Variants in RFC3 observed in about 807,000 individuals in gnomAD.
RFC3 encodes replication factor C subunit 3, also known as A1 38 kDa subunit.
A neutral mutation model predicts 45.1 loss-of-function variants in RFC3; 41 were observed. The ratio of observed to expected loss-of-function variants is 0.91; its 90% confidence interval spans 0.71 to 1.18. The LOEUF (loss-of-function observed/expected upper bound fraction) is 1.18. RFC3 is among the 50% of genes most tolerant of loss of function. RFC3 has a pLI of 0.00. For synonymous variants in RFC3, 149 were observed against 144.0 expected (o/e 1.03, Z -0.25); for missense variants, 423 against 428.1 (o/e 0.99, Z 0.10).
intron 8 of RFC3, among the ~76,000 whole-genome samples, chr13:33,915,271 C>G (rs1251362553): frequency 6.6e-6 from 1 of 152,122 alleles, no homozygotes; most frequent in Non-Finnish European, 1.5e-5. Context: ...ATGCTGCCAA[C>G]AGAGAATTCA....
chr13:33,976,889 G>A, the RFC3 span, among the ~76,000 whole-genome samples: 1 of 152,096 alleles, frequency 6.6e-6, no homozygotes, highest in Non-Finnish European at 1.5e-5. Context: ...GAAAAAACTT[G>A]TAACTTAATA....
chr13:33,920,420 C>CTTTTTTTTTT (rs777079510), intron 8 of RFC3, among the ~76,000 whole-genome samples: 1 of 83,168 alleles, frequency 1.2e-5, no homozygotes, highest in Non-Finnish European at 2.3e-5. Flanking sequence ...TACAACCACA[C>CTTTTTTTTTT]TTTTTTTTTT....
chr13:33,857,113 A>G (rs928492995), intron 8 of RFC3, among the ~76,000 whole-genome samples: 2 of 152,216 alleles, frequency 1.3e-5, no homozygotes, highest in African/African-American at 4.8e-5. Context: ...TTGTAAAGCA[A>G]TCTAATCTTT....
At chr13:33,848,140 T>C (rs1379719939) in intron 8 of RFC3, 1 of 152,218 alleles carries the variant, frequency 6.6e-6, no homozygotes. Context: ...CGTTCACAGA[T>C]ACTTCAGAGA....
intron 8 of RFC3, among the ~76,000 whole-genome samples, chr13:33,868,537 T>C (rs971849628): frequency 6.6e-6 from 1 of 152,230 alleles, no homozygotes; most frequent in African/African-American, 2.4e-5. Context: ...CTTGTAACTT[T>C]GTAACTTCAG....
At chr13:33,952,216 T>C (rs1271092188) in intron 8 of RFC3, among the ~76,000 whole-genome samples, 1 of 152,216 alleles carries the variant, frequency 6.6e-6, no homozygotes, top group Non-Finnish European at 1.5e-5. Flanking sequence ...CTCATTAAAA[T>C]ATGGTAACCA....
Position 33,836,469 on chromosome 13 carries a change from C to A in RFC3, c.*174C>A. 1 of 1,390,832 alleles carries A rather than the reference C, an allele frequency of 7.2e-7. No homozygotes were observed. Among genetic ancestry groups the A allele is most frequent in the Non-Finnish European group, 9.3e-7 (1 of 1,071,944 alleles). The allele number at this position is 1,390,832 out of a possible 1,614,324, so 86.2% of individuals were successfully genotyped here. Reference sequence around the variant, plus strand: ...TCTGAGTTAAATAATTGCTCCTATACTATTGAAGTATGTAGTTTTGTACAT... The same window carrying A: ...TCTGAGTTAAATAATTGCTCCTATAATATTGAAGTATGTAGTTTTGTACAT... On this transcript the variant is annotated 3_prime_UTR_variant, in exon 9 of 9. Coordinates refer to ENST00000380071, the MANE Select transcript of RFC3 (RefSeq NM_002915.4).
rs1053318530 is a variant in RFC3 at position 33,829,723 on chromosome 13, T to C, written c.392-113T>C. Reference sequence around the variant, plus strand: ...TTATCTTTGCCAATGGGAAGAGTAGTATATCAGGCTTATTATTTAGGATTT... The same window carrying C: ...TTATCTTTGCCAATGGGAAGAGTAGCATATCAGGCTTATTATTTAGGATTT... On this transcript the variant is annotated intron_variant, in intron 4 of 8. Coordinates refer to ENST00000380071, the MANE Select transcript of RFC3 (RefSeq NM_002915.4). 2.2e-5 allele frequency: 17 copies of C among 790,696 alleles called. No homozygotes were observed. In the East Asian group the frequency reaches 4.3e-4, roughly 20 times the overall value. 49.0% of individuals were successfully genotyped at this position (790,696 alleles called of 1,614,324 possible). A position where few individuals can be genotyped will look rare whatever the true frequency, so the allele number is the denominator to read the frequency against.
intron 8 of RFC3, among the ~76,000 whole-genome samples, chr13:33,909,392 A>G (rs1413313335): frequency 1.3e-5 from 2 of 152,032 alleles, no homozygotes; most frequent in Non-Finnish European, 2.9e-5. Flanking sequence ...CTCAAAGCCA[A>G]GGAAGGCATT....
At chr13:33,854,966 T>TGCTA (rs57412606) in intron 8 of RFC3, among the ~76,000 whole-genome samples, 118,220 of 151,666 alleles carry the variant, frequency 0.78, 48,122 homozygotes, top group Non-Finnish European at 0.92. Flanking sequence ...TTCCCCATAA[T>TGCTA]GCTCTAATCA....
chr13:33,889,447 G>A (rs1357877944), intron 8 of RFC3, among the ~76,000 whole-genome samples: 2 of 152,034 alleles, frequency 1.3e-5, no homozygotes, highest in Non-Finnish European at 2.9e-5. Context: ...CATAATAATT[G>A]TACATGTTTA....
intron 8 of RFC3, among the ~76,000 whole-genome samples, chr13:33,932,423 G>C (rs1282155298): frequency 6.6e-6 from 1 of 152,082 alleles, no homozygotes; most frequent in East Asian, 1.9e-4. Context: ...TTATAAAACA[G>C]TTTTCCCTCC....
chr13:33,925,324 A>G (rs1315589576), intron 8 of RFC3, among the ~76,000 whole-genome samples: 1 of 122,938 alleles, frequency 8.1e-6, no homozygotes, highest in Non-Finnish European at 1.6e-5. Flanking sequence ...CTATATACAT[A>G]CACATATAGT....
the RFC3 span, among the ~76,000 whole-genome samples, chr13:33,976,609 T>C: frequency 6.6e-6 from 1 of 152,196 alleles, no homozygotes; most frequent in African/African-American, 2.4e-5. Context: ...AAGTGATGGA[T>C]ATTCCAATTA....
intron 8 of RFC3, among the ~76,000 whole-genome samples, chr13:33,960,723 T>C (rs1336651503): frequency 6.6e-6 from 1 of 152,104 alleles, no homozygotes; most frequent in Admixed American, 6.5e-5. Flanking sequence ...CTGCCTCAAT[T>C]CACACACCCT....
At chr13:33,819,909 TGTCTGTGGG>T (rs1353980812) in intron 1 of RFC3, among the ~76,000 whole-genome samples, 1 of 152,238 alleles carries the variant, frequency 6.6e-6, no homozygotes, top group Non-Finnish European at 1.5e-5. Flanking sequence ...AGGCAGTAAG[TGTCTGTGGG>T]ACACTTGCCA....
intron 7 of RFC3, among the ~76,000 whole-genome samples, chr13:33,834,144 A>C (rs984048429): frequency 6.6e-5 from 10 of 151,338 alleles, no homozygotes; most frequent in African/African-American, 2.4e-4. Flanking sequence ...ATGCCCCAGA[A>C]ATGCTAGTTC....
intron 8 of RFC3, among the ~76,000 whole-genome samples, chr13:33,963,063 A>G (rs2083066973): frequency 6.6e-6 from 1 of 152,136 alleles, no homozygotes; most frequent in Non-Finnish European, 1.5e-5. Flanking sequence ...AAGTCTTATT[A>G]CCACAGGTTA....
At chr13:33,819,800 A>G (rs1013646617) in intron 1 of RFC3, among the ~76,000 whole-genome samples, 2 of 152,216 alleles carry the variant, frequency 1.3e-5, no homozygotes, top group Non-Finnish European at 2.9e-5. Flanking sequence ...TGCTTTTAAG[A>G]AATGTTCACC....
Sources: gnomAD v4.1 joint callset for allele counts (sites outside exome capture counted in the v4.1 genomes callset) on GRCh38, gnomAD v4.1.1 for gene constraint, MANE v1.5 for transcripts, NCBI Gene and HGNC (gene_info 2026-07-23, HGNC 2026-07-21) for gene names.